The following DPP6 variants were observed in gnomAD, a reference collection of about 807,000 sequenced individuals.
DPP6 encodes the protein dipeptidyl peptidase like 6.
DPP6 carries 69 observed loss-of-function variants against 122.6 expected under a neutral mutation model. The observed-to-expected ratio is 0.56, with a 90% confidence interval of 0.46 to 0.69. DPP6 has a LOEUF of 0.69. Ranked by LOEUF, DPP6 falls within the 30% of genes least tolerant of loss-of-function variation. The pLI, the probability that DPP6 is intolerant of heterozygous loss-of-function variation, is 0.00. For missense variants in DPP6, 928 were observed against 1,116.9 expected, an observed-to-expected ratio of 0.83 and a Z score of 2.41; for synonymous variants, 418 against 433.1, an observed-to-expected ratio of 0.97 and a Z score of 0.43.
intron 1 of DPP6, among the ~76,000 whole-genome samples, chr7:154,299,909 C>T (rs762727817): frequency 7.2e-5 from 11 of 152,166 alleles, no homozygotes; most frequent in Admixed American, 5.2e-4. Context: ...CAGGCTTGCA[C>T]GGCTACAAAC....
the DPP6 span, among the ~76,000 whole-genome samples, chr7:153,843,595 T>A: frequency 1.1e-4 from 17 of 151,780 alleles, 1 homozygote; most frequent in Admixed American, 9.8e-4. Flanking sequence ...AGGGTGGGGG[T>A]AGGTTAGTGA....
chr7:153,921,039 C>T (rs1800614817), intron 1 of DPP6, among the ~76,000 whole-genome samples: 1 of 152,232 alleles, frequency 6.6e-6, no homozygotes, highest in African/African-American at 2.4e-5. Flanking sequence ...TTATTGAATT[C>T]CTTGCTCTAT....
chr7:154,340,928 T>C (rs1193525220), intron 1 of DPP6, among the ~76,000 whole-genome samples: 1 of 152,184 alleles, frequency 6.6e-6, no homozygotes, highest in Non-Finnish European at 1.5e-5. Flanking sequence ...TTACGATTTT[T>C]TGAAAAACAT....
intron 7 of DPP6, among the ~76,000 whole-genome samples, chr7:154,702,199 A>T (rs921502934): frequency 6.6e-6 from 1 of 152,234 alleles, no homozygotes; most frequent in Non-Finnish European, 1.5e-5. Context: ...CTGCTCCACA[A>T]ACAGGCCATT....
intron 17 of DPP6, among the ~76,000 whole-genome samples, chr7:154,865,796 G>C (rs1448283614): frequency 2.6e-5 from 4 of 152,114 alleles, no homozygotes; most frequent in Non-Finnish European, 5.9e-5. Flanking sequence ...TTAGTTTCCT[G>C]GGGCCACATG....
chr7:154,518,829 A>G (rs1173042404), intron 3 of DPP6, among the ~76,000 whole-genome samples: 1 of 152,220 alleles, frequency 6.6e-6, no homozygotes, highest in Non-Finnish European at 1.5e-5. Context: ...AATTGACATT[A>G]TTAATATCCC....
intron 1 of DPP6, among the ~76,000 whole-genome samples, chr7:154,361,603 C>CAAAAAAAAAAAAAAAAAAA (rs34342809): frequency 1.7e-5 from 1 of 57,976 alleles, no homozygotes; most frequent in Non-Finnish European, 4.1e-5. Flanking sequence ...AATTGCTAGC[C>CAAAAAAAAAAAAAAAAAAA]AAAAAAAAAA....
chr7:154,251,007 G>A (rs1045911910), intron 1 of DPP6, among the ~76,000 whole-genome samples: 7 of 152,248 alleles, frequency 4.6e-5, no homozygotes, highest in Non-Finnish European at 8.8e-5. Context: ...CGAAATTATG[G>A]TACCTGTCTG....
intron 7 of DPP6, among the ~76,000 whole-genome samples, chr7:154,720,198 C>G (rs775088473): frequency 3.2e-4 from 49 of 152,100 alleles, no homozygotes; most frequent in Non-Finnish European, 6.0e-4. Context: ...AAGAGTGAAT[C>G]GATGGACTGA....
At chr7:154,574,007 T>A (rs1209796461) in intron 5 of DPP6, among the ~76,000 whole-genome samples, 1 of 152,252 alleles carries the variant, frequency 6.6e-6, no homozygotes, top group Non-Finnish European at 1.5e-5. Context: ...TTTGTTGTAT[T>A]GTTTTGACAC....
intron 3 of DPP6, among the ~76,000 whole-genome samples, chr7:154,491,249 G>T (rs1405817864): frequency 6.6e-6 from 1 of 152,082 alleles, no homozygotes; most frequent in East Asian, 1.9e-4. Context: ...CTCCTAATAA[G>T]CAAGGTTAAA....
chr7:154,235,413 G>C (rs1221517531), intron 1 of DPP6, among the ~76,000 whole-genome samples: 2 of 148,312 alleles, frequency 1.3e-5, no homozygotes, highest in African/African-American at 5.1e-5. Flanking sequence ...ACATAGGTTA[G>C]TATCACCAGT....
chr7:154,147,325 G>A (rs1313952931), intron 1 of DPP6, among the ~76,000 whole-genome samples: 4 of 152,144 alleles, frequency 2.6e-5, no homozygotes, highest in Non-Finnish European at 4.4e-5. Context: ...TCTTCCTGTG[G>A]ATGAATACAT....
At chr7:153,749,701 G>A in the DPP6 span, among the ~76,000 whole-genome samples, 1 of 152,128 alleles carries the variant, frequency 6.6e-6, no homozygotes, top group Admixed American at 6.5e-5. This position sits in a 1 kb window ranked among gnomAD's most constrained non-coding sequence, Gnocchi z 4.1. Flanking sequence ...TGTGGGGCCC[G>A]GCCACCCTTG....
chr7:154,129,695 T>C (rs189021419), intron 1 of DPP6, among the ~76,000 whole-genome samples: 2,833 of 151,762 alleles, frequency 0.019, 82 homozygotes, highest in African/African-American at 0.064. Flanking sequence ...GTCAGGAGAT[T>C]GAGACCATCC....
chr7:154,011,876 A>C (rs1286291629), intron 1 of DPP6, among the ~76,000 whole-genome samples: 1 of 152,200 alleles, frequency 6.6e-6, no homozygotes, highest in Non-Finnish European at 1.5e-5. Context: ...AAACATTCCT[A>C]CTATCACAGA....
At position 154,241,219 on chromosome 7, in the gene DPP6, G is replaced by GTGTATATA. The variant is rs1444102599; in HGVS notation, c.243+188157_243+188158insGTATATAT. 2.1e-5 allele frequency among the ~76,000 whole-genome samples: 3 copies of GTGTATATA among 142,806 alleles called. No individual in the cohort carries two copies. The highest frequency in any genetic ancestry group is 8.7e-5 in the African/African-American group (3 of 34,604). The allele number at this position is 142,806 out of a possible 152,430, so 93.7% of individuals were successfully genotyped here. Reference sequence around the variant, plus strand: ...TGTGTGTGTGTGTGTGTGTGTGTGTGTATATATATATAGAGAGAGAGAGAG... The same window carrying GTGTATATA: ...TGTGTGTGTGTGTGTGTGTGTGTGTGTGTATATATATATATATATAGAGAGAGAGAGAG... On this transcript the variant is annotated intron_variant, in intron 1 of 25. Coordinates refer to ENST00000377770, the MANE Select transcript of DPP6 (RefSeq NM_130797.4). This position sits in a 1 kb window ranked among gnomAD's most constrained non-coding sequence, Gnocchi z 9.0.
At chr7:154,834,832 A>G (rs1197463524) in intron 16 of DPP6, among the ~76,000 whole-genome samples, 3 of 152,244 alleles carry the variant, frequency 2.0e-5, no homozygotes, top group African/African-American at 7.2e-5. Flanking sequence ...ATTTGGGGCC[A>G]GTTGTCTACG....
chr7:153,885,634 C>CTA (rs1798882750), upstream of DPP6, among the ~76,000 whole-genome samples: 1 of 152,156 alleles, frequency 6.6e-6, no homozygotes, highest in Non-Finnish European at 1.5e-5. Context: ...GCATTTTACA[C>CTA]TATTTTGTTA....
Sources: allele counts gnomAD v4.1 joint callset (sites outside exome capture counted in the v4.1 genomes callset), GRCh38; gene constraint gnomAD v4.1.1; non-coding constraint Gnocchi (gnomAD v3.1); transcripts MANE v1.5; gene names NCBI Gene and HGNC (gene_info 2026-07-23, HGNC 2026-07-21).